PAK1: variants seen among roughly 807,000 people sequenced by gnomAD.
PAK1 encodes the protein p21 (RAC1) activated kinase 1, also known as serine/threonine-protein kinase PAK 1.
A neutral mutation model predicts 67.4 loss-of-function variants in PAK1; 29 were observed. The observed-to-expected ratio is 0.43, with a 90% confidence interval of 0.32 to 0.59. The LOEUF is 0.59. Ranked by LOEUF, PAK1 falls within the 20% of genes least tolerant of loss-of-function variation. PAK1 has a pLI of 0.07. For synonymous variants in PAK1, 223 were observed against 237.4 expected, an observed-to-expected ratio of 0.94 and a Z score of 0.56; for missense variants, 337 against 670.7, an observed-to-expected ratio of 0.50 and a Z score of 5.50.
chr11:77,509,244 C>T, the PAK1 span, among the ~76,000 whole-genome samples: 1 of 151,094 alleles, frequency 6.6e-6, no homozygotes, highest in Non-Finnish European at 1.5e-5. Context: ...GGCGACTGAG[C>T]GAGACTCCAC....
chr11:77,529,155 C>CA, the PAK1 span, among the ~76,000 whole-genome samples: 3 of 152,136 alleles, frequency 2.0e-5, no homozygotes, highest in Non-Finnish European at 4.4e-5. Flanking sequence ...ATGTAGGTCT[C>CA]AAAAATATAC....
chr11:77,380,410 T>G (rs1949662042), intron 2 of PAK1, among the ~76,000 whole-genome samples: 1 of 152,152 alleles, frequency 6.6e-6, no homozygotes, highest in Admixed American at 6.5e-5. Flanking sequence ...AGAGGATCAT[T>G]TGAGCCCAGG....
At chr11:77,461,856 C>A (rs1228641712) in intron 1 of PAK1, among the ~76,000 whole-genome samples, 1 of 152,068 alleles carries the variant, frequency 6.6e-6, no homozygotes, top group Non-Finnish European at 1.5e-5. Context: ...AAGAAAACTG[C>A]GAATTTTGAA....
intron 1 of PAK1, among the ~76,000 whole-genome samples, chr11:77,462,981 A>G (rs1957426130): frequency 9.6e-6 from 1 of 104,538 alleles, no homozygotes; most frequent in African/African-American, 3.7e-5. Context: ...AAAAAAAAAA[A>G]AGGTGGGTGG....
At chr11:77,339,927 A>G (rs181622966) in intron 11 of PAK1, among the ~76,000 whole-genome samples, 19 of 152,148 alleles carry the variant, frequency 1.2e-4, no homozygotes, top group Middle Eastern at 6.8e-3. Context: ...AATATCCTCA[A>G]TGTCTCTGAA....
the PAK1 span, among the ~76,000 whole-genome samples, chr11:77,498,769 C>G: frequency 8.2e-6 from 1 of 122,576 alleles, no homozygotes; most frequent in African/African-American, 3.0e-5. Flanking sequence ...GGCAAGATCT[C>G]AGCTCACTGC....
intron 1 of PAK1, among the ~76,000 whole-genome samples, chr11:77,451,701 G>A (rs1399701628): frequency 6.8e-6 from 1 of 147,564 alleles, no homozygotes; most frequent in African/African-American, 2.6e-5. Context: ...CTGGGTTCAT[G>A]CCATTCTCCT....
chr11:77,337,024 G>A (rs149901918), intron 12 of PAK1, among the ~76,000 whole-genome samples: 3 of 150,308 alleles, frequency 2.0e-5, no homozygotes, highest in Non-Finnish European at 3.0e-5. Flanking sequence ...TCTATTACAC[G>A]TTTTCCATAC....
intron 1 of PAK1, among the ~76,000 whole-genome samples, chr11:77,438,198 C>T (rs889551892): frequency 2.6e-5 from 4 of 152,176 alleles, no homozygotes; most frequent in South Asian, 2.1e-4. Context: ...GAAACAGGCA[C>T]GTCACATAGC....
intron 1 of PAK1, among the ~76,000 whole-genome samples, chr11:77,425,357 ACT>A (rs1955495630): frequency 6.6e-6 from 1 of 151,780 alleles, no homozygotes; most frequent in African/African-American, 2.4e-5. Flanking sequence ...ATGGTGTTCT[ACT>A]CGGTCAGCCA....
chr11:77,473,614 G>C lies in PAK1; in HGVS notation c.-84C>G, dbSNP rs1040047645. On this transcript the variant is annotated 5_prime_UTR_variant, in exon 1 of 15. Transcript: ENST00000356341. ...TCCTCCCGGCGGTGGGTGCCGCCTA[G>C]CCGGGAGTGAGGGCGCGAGTGTGCG... 1.3e-5 allele frequency: 2 copies of C among 152,896 alleles called. No homozygotes were observed. Among genetic ancestry groups the C allele is most frequent in the Middle Eastern group, 3.4e-3 (1 of 298 alleles). 9.5% of individuals were successfully genotyped at this position (152,896 alleles called of 1,614,324 possible).
chr11:77,528,832 G>A, the PAK1 span, among the ~76,000 whole-genome samples: 2 of 152,002 alleles, frequency 1.3e-5, no homozygotes, highest in East Asian at 3.9e-4. Context: ...ACAAACCAGT[G>A]GTTAGAAAAT....
At chr11:77,524,230 C>T in the PAK1 span, among the ~76,000 whole-genome samples, 1 of 152,184 alleles carries the variant, frequency 6.6e-6, no homozygotes, top group Non-Finnish European at 1.5e-5. Context: ...GACAAAGGCC[C>T]ATAACCATGC....
intron 1 of PAK1, among the ~76,000 whole-genome samples, chr11:77,423,718 C>T (rs968253075): frequency 1.3e-5 from 2 of 152,174 alleles, no homozygotes; most frequent in South Asian, 4.1e-4. Context: ...ATATTTTAGG[C>T]TTTGCAGGCC....
chr11:77,327,231 C>T (rs2136005302), intron 14 of PAK1, among the ~76,000 whole-genome samples: 1 of 152,304 alleles, frequency 6.6e-6, no homozygotes, highest in East Asian at 1.9e-4. Context: ...TCCAGGAGAA[C>T]TTCCCCAATC....
At chr11:77,521,521 C>G in the PAK1 span, among the ~76,000 whole-genome samples, 1 of 151,488 alleles carries the variant, frequency 6.6e-6, no homozygotes, top group Admixed American at 6.6e-5. Flanking sequence ...AAAACCGAAA[C>G]TCCACCTCAA....
chr11:77,491,867 C>T, the PAK1 span, among the ~76,000 whole-genome samples: 2 of 152,146 alleles, frequency 1.3e-5, no homozygotes, highest in African/African-American at 4.8e-5. Context: ...TGTAAATGGA[C>T]TAAACGCTCC....
At chr11:77,398,852 T>C (rs1016259045) in intron 1 of PAK1, among the ~76,000 whole-genome samples, 4 of 152,252 alleles carry the variant, frequency 2.6e-5, no homozygotes, top group African/African-American at 9.6e-5. Context: ...CCGCTACTTC[T>C]GATTTATGAT....
At chr11:77,460,318 GTTTGCT>G (rs1957282966) in intron 1 of PAK1, among the ~76,000 whole-genome samples, 2 of 126,470 alleles carry the variant, frequency 1.6e-5, no homozygotes, top group African/African-American at 2.9e-5. Context: ...AAGGTTTTTT[GTTTGCT>G]TTTTTTTTTT....
Sources: allele counts gnomAD v4.1 joint callset (sites outside exome capture counted in the v4.1 genomes callset), GRCh38; gene constraint gnomAD v4.1.1; transcripts MANE v1.5; gene names NCBI Gene and HGNC (gene_info 2026-07-23, HGNC 2026-07-21).